NEB: variants seen among roughly 807,000 people sequenced by gnomAD.
The protein encoded by NEB is nemaline myopathy type 2.
NEB carries 512 observed loss-of-function variants against 952.2 expected under a neutral mutation model. That is an observed-to-expected ratio of 0.54 (90% CI 0.50 to 0.58). The LOEUF is 0.58. NEB is among the 20% of genes least tolerant of loss of function. The pLI, the probability that NEB is intolerant of heterozygous loss-of-function variation, is 0.00. For missense variants in NEB, 8,428 were observed against 9,231.1 expected, an observed-to-expected ratio of 0.91 and a Z score of 3.56; for synonymous variants, 2,900 against 3,149.8, an observed-to-expected ratio of 0.92 and a Z score of 2.66.
At chr2:151,656,097 G>A in intron 49 of NEB, 56 bp downstream of exon 49, 1 of 1,579,390 alleles carries the variant, frequency 6.3e-7, no homozygotes, top group Non-Finnish European at 8.6e-7. Flanking sequence ...AACAGACTGT[G>A]ATCTCCCTTC....
rs1303023163 is a variant in NEB at position 151,526,276 on chromosome 2, A to G, written c.21946-14T>C. 3.2e-6 allele frequency: 5 copies of G among 1,561,278 alleles called. No individual in the cohort carries two copies. The African/African-American group carries it at 4.1e-5, about 13-fold the overall frequency. On this transcript the variant is annotated splice_polypyrimidine_tract_variant and intron_variant, in intron 148 of 181. Coordinates refer to ENST00000397345, the MANE Select transcript of NEB (RefSeq NM_001164508.2). ...TTTGTATTTCAGCTTCAGGGGCAGG[A>G]AAAGGGGCATTTCTTTAGCTCTGCT...
chr2:151,510,633 A>G (rs2073448151), intron 161 of NEB, among the ~76,000 whole-genome samples: 1 of 152,222 alleles, frequency 6.6e-6, no homozygotes, highest in African/African-American at 2.4e-5. Context: ...TTATTACAGT[A>G]TATTGTTATA....
chr2:151,677,845 G>A (rs2099384271), intron 33 of NEB, 31 bp downstream of exon 33: 1 of 1,606,248 alleles, frequency 6.2e-7, no homozygotes, highest in African/African-American at 1.3e-5. Flanking sequence ...AACTTAATAG[G>A]GGGGTTTCTT....
At position 151,675,145 on chromosome 2, in the gene NEB, G is replaced by T. The variant is rs1419463335; in HGVS notation, c.3879+142C>A. Reference sequence around the variant, plus strand: ...TGAAAAGGCCAACTGAAGAGGTAAAGAACCATCCTTATGGGATATGTTCCA... The same window carrying T: ...TGAAAAGGCCAACTGAAGAGGTAAATAACCATCCTTATGGGATATGTTCCA... On this transcript the variant is annotated intron_variant, in intron 35 of 181. Transcript: ENST00000397345. 3 of 705,800 alleles carry T rather than the reference G, an allele frequency of 4.3e-6. No homozygotes were observed. The East Asian group carries it at 8.2e-5, about 19-fold the overall frequency. The allele number at this position is 705,800 out of a possible 1,614,324, so 43.7% of individuals were successfully genotyped here.
chr2:151,707,036 G>T (rs756878272), intron 12 of NEB, 39 bp from the exon 13 acceptor site: 20 of 1,343,652 alleles, frequency 1.5e-5, no homozygotes, highest in South Asian at 9.3e-5. Context: ...AACTCTATGG[G>T]TTATTTTTGC....
intron 160 of NEB, 131 bp from the exon 161 acceptor site, chr2:151,512,968 TTC>T: frequency 1.5e-6 from 1 of 660,070 alleles, no homozygotes; most frequent in Non-Finnish European, 2.7e-6. Flanking sequence ...CAACAGATAT[TTC>T]TTCCTATTTT....
intron 141 of NEB, among the ~76,000 whole-genome samples, chr2:151,536,669 C>A (rs1237888236): frequency 1.3e-5 from 2 of 152,102 alleles, no homozygotes; most frequent in African/African-American, 4.8e-5. Flanking sequence ...TACTATCTGG[C>A]ATTTTTCAGG....
At position 151,724,881 on chromosome 2, in the gene NEB, C is replaced by A; in HGVS notation, c.483G>T (p.Lys161Asn). The change falls in exon 7 of 182, where the codon AAG becomes AAT. Residue 161 changes from lysine to asparagine, a missense_variant. Lys to Asn is a moderately conservative substitution (Grantham distance 94, BLOSUM62 0). Around this residue, in one of 11 missense-constraint regions of NEB, gnomAD observed 2,851 missense variants for 2,791.5 expected, o/e 1.02. Transcript: ENST00000397345. Reference protein sequence around the residue: ...DEKAKDIEHAKKVSQQVSKVL... With the variant: ...DEKAKDIEHANKVSQQVSKVL... ...CCTTACTGACTTGCTGCGACACTTT[C>A]TTTGCATGTTCAATATCCTTTGCTT... 1 of 1,613,746 alleles carries A rather than the reference C, an allele frequency of 6.2e-7. No individual in the cohort carries two copies. The highest frequency in any genetic ancestry group is 2.2e-5 in the East Asian group (1 of 44,890).
chr2:151,529,530 T>C (rs1296484392), intron 145 of NEB, among the ~76,000 whole-genome samples: 1 of 144,522 alleles, frequency 6.9e-6, no homozygotes, highest in Non-Finnish European at 1.5e-5. Flanking sequence ...AGTGTTGCCA[T>C]ATAATTTTTT....
At chr2:151,505,798 G>A (rs546050688) in intron 164 of NEB, 1 of 563,876 alleles carries the variant, frequency 1.8e-6, no homozygotes, top group African/African-American at 1.9e-5. Flanking sequence ...GGGCAGGGAT[G>A]GGGGCCCCTA....
chr2:151,575,191 G>A (rs916514906), intron 107 of NEB, among the ~76,000 whole-genome samples: 3 of 152,146 alleles, frequency 2.0e-5, no homozygotes, highest in Non-Finnish European at 2.9e-5. Context: ...AGGAAGAAAA[G>A]TGTTTAAATG....
Position 151,610,769 on chromosome 2 carries a change from A to G in NEB, c.11903T>C (p.Ile3968Thr). The change falls in exon 79 of 182, where the codon ATC becomes ACC. Residue 3968 changes from isoleucine (I) to threonine (T), a missense_variant. Physicochemically the swap from Ile to Thr is moderately conservative, Grantham distance 89. This residue lies in a region of NEB where 337 missense variants were observed against 297.5 expected (regional missense o/e 1.13). Transcript: ENST00000397345. ...AATCAGGAAATCTCTTACTTGGCTG[A>G]TATTGGCAGAATTACTCTTGGCCAG... ...ILLAKSNSAN[I>T]SQKLYTKGWD... is the part of the protein sequence containing the mutation. The G allele has an allele frequency of 1.2e-6, 2 of 1,608,396 alleles. No homozygotes were observed. The highest frequency in any genetic ancestry group is 2.2e-5 in the South Asian group (2 of 90,276).
intron 42 of NEB, 67 bp downstream of exon 42, chr2:151,665,266 A>G (rs1038097329): frequency 1.7e-5 from 24 of 1,443,120 alleles, no homozygotes; most frequent in Admixed American, 1.4e-4. Context: ...CGATTGGGGC[A>G]CTGCCAGGCT....
intron 22 of NEB, 32 bp downstream of exon 22, chr2:151,692,027 T>C (rs921700442): frequency 4.4e-6 from 7 of 1,607,824 alleles, no homozygotes; most frequent in Non-Finnish European, 4.3e-6. Context: ...ACAATGTCAC[T>C]GTGAGGCATG....
Position 151,486,069 on chromosome 2 carries a change from A to G in NEB, c.25405-136T>C, listed in dbSNP as rs1037087466. The G allele has an allele frequency of 8.4e-5, 72 of 859,728 alleles. 1 individual carries two copies. Among genetic ancestry groups the G allele is most frequent in the Admixed American group, 2.3e-4 (9 of 38,338 alleles). The allele number at this position is 859,728 out of a possible 1,614,324, so 53.3% of individuals were successfully genotyped here. On this transcript the variant is annotated intron_variant, in intron 181 of 181. Transcript: ENST00000397345. ...AAAGAGAATGTGCAAGCATCAACAA[A>G]GTAAAAGGAACCCACAAAATAGGAA...
intron 179 of NEB, 32 bp downstream of exon 179, chr2:151,491,651 T>C: frequency 6.1e-6 from 9 of 1,481,184 alleles, no homozygotes; most frequent in Non-Finnish European, 8.3e-6. Flanking sequence ...AATGGTGATG[T>C]TTATGTTGTA....
rs533840503 is a variant in NEB, at chr2:151,689,975, T to A, written c.2310+752A>T. 1.2e-3 allele frequency: 184 copies of A among 152,362 alleles called. 1 individual carries two copies. Among genetic ancestry groups the A allele is most frequent in the African/African-American group, 3.9e-3 (162 of 41,588 alleles). 9.4% of individuals were successfully genotyped at this position (152,362 alleles called of 1,614,324 possible). On this transcript the variant is annotated intron_variant, in intron 24 of 181. Transcript: ENST00000397345. Reference sequence around the variant, plus strand: ...TTTCACTTACCTATCTTGAGAAGGATGTACTACTCTCTAGGACTTAGCTAT... The same window carrying A: ...TTTCACTTACCTATCTTGAGAAGGAAGTACTACTCTCTAGGACTTAGCTAT...
chr2:151,512,720 C>T lies in NEB; in HGVS notation c.23346+13G>A, dbSNP rs564325749. 503 of 1,588,726 alleles carry T rather than the reference C, an allele frequency of 3.2e-4. 7 individuals carry two copies. The South Asian group carries it at 4.9e-3, about 15-fold the overall frequency. On this transcript the variant is annotated intron_variant, in intron 161 of 181. Coordinates refer to ENST00000397345, the MANE Select transcript of NEB (RefSeq NM_001164508.2). Reference sequence around the variant, plus strand: ...TTGGGGTTTATGAGTGATGGCATGACGAATGTCCTTACCTGGCTTGAAAGA... The same window carrying T: ...TTGGGGTTTATGAGTGATGGCATGATGAATGTCCTTACCTGGCTTGAAAGA...
intron 61 of NEB, 60 bp downstream of exon 61, chr2:151,640,295 C>G: frequency 6.3e-7 from 1 of 1,583,674 alleles, no homozygotes; most frequent in South Asian, 1.2e-5. Flanking sequence ...TTGCCATTTT[C>G]TCCAAGGGGT....
Sources: gnomAD v4.1 joint callset for allele counts (sites outside exome capture counted in the v4.1 genomes callset) on GRCh38, gnomAD v4.1.1 for gene constraint, gnomAD v4.1.1 regional missense constraint, MANE v1.5 for transcripts, NCBI Gene and HGNC (gene_info 2026-07-23, HGNC 2026-07-21) for gene names.